BRAF: variants seen among roughly 807,000 people sequenced by gnomAD.
BRAF encodes B-Raf proto-oncogene, serine/threonine kinase.
BRAF carries 16 observed loss-of-function variants against 104.6 expected under a neutral mutation model. The ratio of observed to expected loss-of-function variants is 0.15; its 90% CI spans 0.10 to 0.23. The LOEUF is 0.23. Among genes scored for constraint, BRAF ranks in the 10% least tolerant of loss-of-function variants. The pLI is 1.00. For missense variants in BRAF, 541 were observed against 937.3 expected, an observed-to-expected ratio of 0.58 and a Z score of 5.52; for synonymous variants, 310 against 341.6, an observed-to-expected ratio of 0.91 and a Z score of 1.02.
intron 1 of BRAF, among the ~76,000 whole-genome samples, chr7:140,858,135 T>C (rs1810006573): frequency 1.3e-5 from 2 of 152,188 alleles, no homozygotes; most frequent in African/African-American, 4.8e-5. Flanking sequence ...AACAGGATAC[T>C]TACATAGTGC....
intron 2 of BRAF, among the ~76,000 whole-genome samples, chr7:140,848,652 T>C (rs1808822000): frequency 6.6e-6 from 1 of 152,224 alleles, no homozygotes; most frequent in Non-Finnish European, 1.5e-5. Context: ...TATTGTCTAA[T>C]TCTGATTAAT....
intron 1 of BRAF, among the ~76,000 whole-genome samples, chr7:140,911,407 A>G (rs1352189709): frequency 5.9e-5 from 9 of 152,254 alleles, no homozygotes; most frequent in Admixed American, 5.9e-4. Flanking sequence ...ATGACTGAAC[A>G]GTGCAGGTCT....
At chr7:140,873,463 C>G (rs778726986) in intron 1 of BRAF, among the ~76,000 whole-genome samples, 2 of 152,262 alleles carry the variant, frequency 1.3e-5, no homozygotes, top group South Asian at 2.1e-4. Context: ...AGCCACCATG[C>G]CCAGCCATCT....
rs180747819 is a variant in BRAF at position 140,790,823 on chromosome 7, T to C, written c.1141-3239A>G. On this transcript the variant is annotated intron_variant, in intron 8 of 19. Transcript: ENST00000644969. ...CTCTTACATTAAAAACAATTGTCCCTTGGCTGGGTGCAGTGGCTCACGCCT... is the reference window on the plus strand; with the variant it reads ...CTCTTACATTAAAAACAATTGTCCCCTGGCTGGGTGCAGTGGCTCACGCCT... Among the ~76,000 whole-genome samples the C allele has an allele frequency of 2.0e-5, 3 of 152,344 alleles. No homozygotes were observed. In the East Asian group the frequency reaches 5.8e-4, roughly 29 times the overall value.
chr7:140,896,591 C>G (rs1234549863), intron 1 of BRAF, among the ~76,000 whole-genome samples: 1 of 150,092 alleles, frequency 6.7e-6, no homozygotes, highest in East Asian at 2.0e-4. Flanking sequence ...ATGGCCCAGG[C>G]GCGGTGGCTC....
intron 1 of BRAF, among the ~76,000 whole-genome samples, chr7:140,905,241 A>G (rs566175950): frequency 6.6e-6 from 1 of 152,336 alleles, no homozygotes; most frequent in East Asian, 1.9e-4. Flanking sequence ...GAGCTGTTTA[A>G]AAATACCCCA....
At chr7:140,810,896 G>C (rs1302730426) in intron 3 of BRAF, among the ~76,000 whole-genome samples, 1 of 152,140 alleles carries the variant, frequency 6.6e-6, no homozygotes, top group Non-Finnish European at 1.5e-5. Context: ...AGTATCCTGG[G>C]CAGAGCCTAT....
chr7:140,821,294 A>ATTT (rs58690200), intron 3 of BRAF, among the ~76,000 whole-genome samples: 1 of 73,914 alleles, frequency 1.4e-5, no homozygotes, highest in Non-Finnish European at 2.6e-5. Flanking sequence ...TCTGAATTAC[A>ATTT]TTTTTTTTTT....
chr7:140,778,748 A>C (rs890631113), intron 12 of BRAF, among the ~76,000 whole-genome samples: 1 of 152,076 alleles, frequency 6.6e-6, no homozygotes, highest in Non-Finnish European at 1.5e-5. Context: ...AAAAAAAAAA[A>C]ACTTTATGTG....
At chr7:140,837,529 C>G (rs1488165906) in intron 2 of BRAF, among the ~76,000 whole-genome samples, 1 of 152,196 alleles carries the variant, frequency 6.6e-6, no homozygotes, top group African/African-American at 2.4e-5. Flanking sequence ...ATTTTATCAA[C>G]TAGCTTGCCA....
chr7:140,840,338 T>C (rs1807807832), intron 2 of BRAF, among the ~76,000 whole-genome samples: 2 of 83,620 alleles, frequency 2.4e-5, no homozygotes, highest in African/African-American at 4.0e-4. Flanking sequence ...AATAGATAAA[T>C]TGGAATTCCA....
intron 16 of BRAF, among the ~76,000 whole-genome samples, chr7:140,749,804 G>A (rs1797644503): frequency 6.6e-6 from 1 of 152,174 alleles, no homozygotes; most frequent in South Asian, 2.1e-4. Context: ...ATGCTTAGGA[G>A]CAGCACAACT....
In BRAF at chr7:140,728,549, TA is replaced by T. The variant is rs1353955744; in HGVS notation, c.2402-2034del. 8.5e-3 allele frequency among the ~76,000 whole-genome samples: 1,188 copies of T among 140,296 alleles called. 7 individuals are homozygous for T. Among genetic ancestry groups the T allele is most frequent in the African/African-American group, 0.02 (757 of 38,298 alleles). The allele number at this position is 140,296 out of a possible 152,430, so 92.0% of individuals were successfully genotyped here. Reference sequence around the variant, plus strand: ...AGGATTGGGGAATCTAGCACTGATTTAAAAAAAAAAAAAGGCTAAATTAAAT... The same window carrying T: ...AGGATTGGGGAATCTAGCACTGATTTAAAAAAAAAAAAGGCTAAATTAAAT... On this transcript the variant is annotated intron_variant, in intron 19 of 19. Coordinates refer to ENST00000644969, the MANE Select transcript of BRAF (RefSeq NM_001374258.1).
chr7:140,723,170 C>T lies in BRAF; in HGVS notation c.*3324G>A, dbSNP rs1665158721. ...TGCAAGCAGCTGGCGGGTGGATGTA[C>T]AGTGGGGACAGGTGAGATCTGAGGA... On this transcript the variant is annotated 3_prime_UTR_variant, in exon 20 of 20. Coordinates refer to ENST00000644969, the MANE Select transcript of BRAF (RefSeq NM_001374258.1). 8 of 1,053,258 alleles carry T rather than the reference C, an allele frequency of 7.6e-6. No individual in the cohort carries two copies. In the South Asian group the frequency reaches 2.3e-4, roughly 30 times the overall value. 65.2% of individuals were successfully genotyped at this position (1,053,258 alleles called of 1,614,324 possible). A position where few individuals can be genotyped will look rare whatever the true frequency, so the allele number is the denominator to read the frequency against.
Position 140,818,366 on chromosome 7 carries a change from G to A in BRAF, c.505-9371C>T, listed in dbSNP as rs1442884580. On this transcript the variant is annotated intron_variant, in intron 3 of 19. Transcript: ENST00000644969. ...CTTGCTCTGTTGCCCAGCCTGGAGT[G>A]CAGTGGCACGATATTGGCTCACTGC... Among the ~76,000 whole-genome samples, 3 of 149,170 alleles carry A rather than the reference G, an allele frequency of 2.0e-5. 1 individual carries two copies. The Middle Eastern group carries it at 9.6e-3, about 475-fold the overall frequency.
At chr7:140,916,474 C>A (rs1033679930) in intron 1 of BRAF, among the ~76,000 whole-genome samples, 3 of 152,330 alleles carry the variant, frequency 2.0e-5, no homozygotes, top group Admixed American at 6.5e-5. Context: ...TGGAGAATAA[C>A]ACATTGTAAA....
chr7:140,730,996 A>G (rs528241126), intron 19 of BRAF: 2 of 152,160 alleles, frequency 1.3e-5, no homozygotes, highest in Non-Finnish European at 2.9e-5. Context: ...ATTCTTCGTC[A>G]TGACTTTCAA....
chr7:140,739,721 T>A (rs1796750819), intron 18 of BRAF, 91 bp downstream of exon 17: 1 of 1,465,536 alleles, frequency 6.8e-7, no homozygotes, highest in Admixed American at 1.7e-5. Flanking sequence ...TCCAAACTCA[T>A]GAAATACACA....
intron 1 of BRAF, among the ~76,000 whole-genome samples, chr7:140,867,483 C>T (rs560493084): frequency 3.3e-5 from 5 of 151,888 alleles, no homozygotes; most frequent in African/African-American, 9.7e-5. Flanking sequence ...AACTAAAGTC[C>T]CTGACCTCAT....
Sources: gnomAD v4.1 joint callset for allele counts (sites outside exome capture counted in the v4.1 genomes callset) on GRCh38, gnomAD v4.1.1 for gene constraint, MANE v1.5 for transcripts, NCBI Gene and HGNC (gene_info 2026-07-23, HGNC 2026-07-21) for gene names.